Variants in SVIL observed in about 807,000 individuals in gnomAD.
The protein encoded by SVIL is supervillin, also known as archvillin.
SVIL carries 101 observed loss-of-function variants against 240.4 expected under a neutral mutation model. That is an observed-to-expected ratio of 0.42 (90% CI 0.36 to 0.50). The LOEUF is 0.50. SVIL is among the 20% of genes least tolerant of loss of function. SVIL has a pLI of 0.01. For missense variants in SVIL, 2,512 were observed against 2,818.7 expected (o/e 0.89, Z 2.46); for synonymous variants, 999 against 1,100.0 (o/e 0.91, Z 1.82).
At chr10:29,687,554 G>T (rs1961172154) in intron 1 of SVIL, among the ~76,000 whole-genome samples, 1 of 152,192 alleles carries the variant, frequency 6.6e-6, no homozygotes, top group Non-Finnish European at 1.5e-5. Context: ...TTAGGCAGCC[G>T]TGGTAGTGCA....
chr10:29,667,257 G>A (rs1398816948), intron 2 of SVIL, among the ~76,000 whole-genome samples: 2 of 152,120 alleles, frequency 1.3e-5, no homozygotes, highest in African/African-American at 4.8e-5. Context: ...TTTGGTGAGT[G>A]AATAAGCAAA....
rs73596064 is a variant in SVIL, at chr10:29,601,982, C to T, written c.-201+32438G>A. Among the ~76,000 whole-genome samples, 1,338 of 152,242 alleles carry T rather than the reference C, an allele frequency of 8.8e-3. 19 individuals carry two copies. The highest frequency in any genetic ancestry group is 0.031 in the African/African-American group (1,284 of 41,548). On this transcript the variant is annotated intron_variant, in intron 1 of 37. Transcript: ENST00000355867. ...CTAATTGTTTCTCTTTGTACCAGTT[C>T]ATTGCTTGTTGGGATCACCACCAGT...
chr10:29,730,115 C>A (rs1055271974), intron 1 of SVIL, among the ~76,000 whole-genome samples: 1 of 151,882 alleles, frequency 6.6e-6, no homozygotes, highest in Non-Finnish European at 1.5e-5. Context: ...GAGTTCAAGG[C>A]TGTAGTAAGC....
chr10:29,612,100 A>T (rs1397856667), intron 1 of SVIL, among the ~76,000 whole-genome samples: 2 of 152,146 alleles, frequency 1.3e-5, no homozygotes, highest in Non-Finnish European at 2.9e-5. Flanking sequence ...AGGAAAAAAA[A>T]AATCGATCCT....
At chr10:29,673,338 C>T (rs1285919130) in intron 2 of SVIL, among the ~76,000 whole-genome samples, 4 of 151,846 alleles carry the variant, frequency 2.6e-5, no homozygotes, top group Admixed American at 2.6e-4. Context: ...ATATTCCAAG[C>T]TGAGTTTCAC....
upstream of SVIL, chr10:29,735,870 G>A (rs1051659147): frequency 5.9e-5 from 9 of 152,182 alleles, no homozygotes; most frequent in East Asian, 1.6e-3. This position sits in a 1 kb window ranked among gnomAD's most constrained non-coding sequence, Gnocchi z 4.1. Context: ...CACCGCGCGG[G>A]GAGCGGGTCC....
At chr10:29,526,305 C>CTTTTTTTTTTTTTTTTT (rs36004446) in intron 13 of SVIL, among the ~76,000 whole-genome samples, 3 of 115,028 alleles carry the variant, frequency 2.6e-5, no homozygotes, top group Non-Finnish European at 3.5e-5. Context: ...TTTTCTCTTT[C>CTTTTTTTTTTTTTTTTT]TTTTTTTTTT....
chr10:29,720,870 C>G (rs373336249), intron 1 of SVIL, among the ~76,000 whole-genome samples: 1 of 152,146 alleles, frequency 6.6e-6, no homozygotes, highest in African/African-American at 2.4e-5. Flanking sequence ...TTTTTTGAGA[C>G]ACAGTCTTGC....
Position 29,595,046 on chromosome 10 carries a change from G to A in SVIL, c.-200-25734C>T, listed in dbSNP as rs1222370618. ...TGTTACACTCCTGTTTCCTCTCCTCGGTTAGGCCTTCACCACTCTACATCT... is the reference window on the plus strand; with the variant it reads ...TGTTACACTCCTGTTTCCTCTCCTCAGTTAGGCCTTCACCACTCTACATCT... On this transcript the variant is annotated intron_variant, in intron 1 of 37. Transcript: ENST00000355867. 2.6e-5 allele frequency among the ~76,000 whole-genome samples: 4 copies of A among 152,154 alleles called. No individual in the cohort carries two copies. The South Asian group carries it at 6.2e-4, about 24-fold the overall frequency.
chr10:29,671,936 CTATTATTAAT>C, intron 2 of SVIL, among the ~76,000 whole-genome samples: 1 of 152,182 alleles, frequency 6.6e-6, no homozygotes, highest in Middle Eastern at 3.2e-3. Context: ...GTCTGAATCT[CTATTATTAAT>C]CCAGCCTGCT....
intron 1 of SVIL, among the ~76,000 whole-genome samples, chr10:29,695,939 C>CTCTCCCTCTCCCTCTCCCG (rs1961936080): frequency 9.2e-6 from 1 of 109,138 alleles, no homozygotes; most frequent in East Asian, 3.1e-4. Flanking sequence ...CTCCCTCTCC[C>CTCTCCCTCTCCCTCTCCCG]TCTCCCTCTC....
At chr10:29,596,391 T>C (rs1956589819) in intron 1 of SVIL, among the ~76,000 whole-genome samples, 1 of 152,162 alleles carries the variant, frequency 6.6e-6, no homozygotes, top group Non-Finnish European at 1.5e-5. Flanking sequence ...GAAGATCACT[T>C]AAGCCCAGGA....
At chr10:29,649,402 C>G (rs1419831676) in intron 3 of SVIL, among the ~76,000 whole-genome samples, 1 of 152,120 alleles carries the variant, frequency 6.6e-6, no homozygotes. Flanking sequence ...CAATAAAACA[C>G]AACCAAGCAA....
At chr10:29,514,673 G>A (rs1238746007) in intron 16 of SVIL, among the ~76,000 whole-genome samples, 6 of 152,238 alleles carry the variant, frequency 3.9e-5, no homozygotes, top group East Asian at 1.9e-4. Flanking sequence ...GAGACAGCGC[G>A]CCTAGACAAC....
rs138045309 is a variant in SVIL at position 29,480,730 on chromosome 10, G to T, written c.5184C>A (p.Asp1728Glu). The T allele has an allele frequency of 6.2e-7, 1 of 1,614,138 alleles. No individual in the cohort carries two copies. The highest frequency in any genetic ancestry group is 1.1e-5 in the South Asian group (1 of 91,080). The change falls in exon 29 of 38, where the codon GAC (aspartate) becomes GAA (glutamate). Residue 1728 changes from aspartate to glutamate, a missense_variant. By Grantham distance (45) the Asp-to-Glu change is conservative. Transcript: ENST00000355867. The stretch of plus-strand genomic sequence containing the variant: ...CATAGCCACGGCCGACGTTCACTCC[G>T]TCCAGGATGGTGCCTGCTGTCGTCT... Reference protein sequence around the residue: ...MPQTTAGTILDGVNVGRGYGL... With the variant: ...MPQTTAGTILEGVNVGRGYGL...
Position 29,532,816 on chromosome 10 carries a change from G to A in SVIL, c.1551C>T (p.Leu517=). Residue 517 remains leucine, a synonymous_variant, in exon 8 of 38, where the codon CTC becomes CTT. Transcript: ENST00000355867. ...TERTGRSEMV[L]YIQSEPVSQD... is the part of the protein sequence containing the mutation. Reference sequence around the variant, plus strand: ...GGGACACAGGCTCACTTTGAATGTAGAGAACCATCTCGCTCCTGCCTGTCC... The same window carrying A: ...GGGACACAGGCTCACTTTGAATGTAAAGAACCATCTCGCTCCTGCCTGTCC... 1 of 1,614,176 alleles carries A rather than the reference G, an allele frequency of 6.2e-7. No individual in the cohort carries two copies.
intron 1 of SVIL, among the ~76,000 whole-genome samples, chr10:29,611,124 C>T (rs1042037283): frequency 1.3e-5 from 2 of 152,040 alleles, no homozygotes; most frequent in African/African-American, 2.4e-5. Context: ...AGGAATGTCG[C>T]CCCCTCCTTC....
intron 1 of SVIL, among the ~76,000 whole-genome samples, chr10:29,584,460 G>A (rs1271671093): frequency 6.6e-6 from 1 of 152,174 alleles, no homozygotes; most frequent in Non-Finnish European, 1.5e-5. Context: ...TGTTTGTTTT[G>A]GGGTATGTGA....
In SVIL at chr10:29,685,123, C is replaced by T. The variant is rs533246438; in HGVS notation, c.-301+1430G>A. The stretch of plus-strand genomic sequence containing the variant: ...TATCTGTTGTTCCCCTCCTAGTATC[C>T]AGGTGTTCCCATTGTTTAGCTTCCA... On this transcript the variant is annotated intron_variant, in intron 2 of 35. Transcript: ENST00000375400. 1.1e-4 allele frequency among the ~76,000 whole-genome samples: 17 copies of T among 152,246 alleles called. No individual in the cohort carries two copies. The East Asian group carries it at 3.1e-3, about 28-fold the overall frequency.
Sources: gnomAD v4.1 joint callset for allele counts (sites outside exome capture counted in the v4.1 genomes callset) on GRCh38, gnomAD v4.1.1 for gene constraint, Gnocchi (gnomAD v3.1) non-coding constraint, MANE v1.5 for transcripts, NCBI Gene and HGNC (gene_info 2026-07-23, HGNC 2026-07-21) for gene names.